Variants in MAMLD1 observed in about 807,000 individuals in gnomAD.
The protein encoded by MAMLD1 is mastermind-like domain-containing protein 1.
In MAMLD1, 14 loss-of-function variants were observed where a neutral mutation model predicts 45.0. The ratio of observed to expected loss-of-function variants is 0.31; its 90% CI spans 0.21 to 0.49. The LOEUF (loss-of-function observed/expected upper bound fraction) is 0.49, where lower values mean the gene tolerates loss of function less well. Among genes scored for constraint, MAMLD1 ranks in the 20% least tolerant of loss-of-function variants. MAMLD1 has a pLI of 0.99. For missense variants in MAMLD1, 543 were observed against 603.6 expected (o/e 0.90, Z 1.05); for synonymous variants, 254 against 247.8 (o/e 1.02, Z -0.24).
intron 1 of MAMLD1, among the ~76,000 whole-genome samples, chrX:150,363,879 A>C (rs1401711708): frequency 1.8e-5 from 2 of 112,388 alleles, no homozygotes; most frequent in African/African-American, 3.2e-5. Flanking sequence ...GGAGGCTCCC[A>C]CTCTGTCCCA....
intron 1 of MAMLD1, among the ~76,000 whole-genome samples, chrX:150,421,298 G>A (rs961126592): frequency 1.8e-5 from 2 of 112,057 alleles, no homozygotes; most frequent in African/African-American, 3.2e-5. Context: ...CTTCGCTCGC[G>A]CACGGTGCAC....
chrX:150,464,401 C>G (rs368062029), intron 3 of MAMLD1, among the ~76,000 whole-genome samples: 92 of 112,295 alleles, frequency 8.2e-4, no homozygotes, highest in Middle Eastern at 4.6e-3. Context: ...CCCAACCACC[C>G]TGGTATTCTC....
rs1489682415 is a variant in MAMLD1 at position 150,512,986 on chromosome X, C to T, written c.*1027C>T. The T allele has an allele frequency of 1.7e-6, 2 of 1,155,217 alleles. No homozygotes were observed. The highest frequency in any genetic ancestry group is 2.3e-6 in the Non-Finnish European group (2 of 872,210). On this transcript the variant is annotated 3_prime_UTR_variant, in exon 8 of 8. Coordinates refer to ENST00000370401, the MANE Select transcript of MAMLD1 (RefSeq NM_005491.5). The stretch of plus-strand genomic sequence containing the variant: ...ACTGGGTGTGCAACTTGAGGCTGAT[C>T]GACGACATTTTGGAACAGCATGCTG...
chrX:150,441,805 A>G (rs1178464406), intron 1 of MAMLD1, among the ~76,000 whole-genome samples: 2 of 109,580 alleles, frequency 1.8e-5, no homozygotes, highest in African/African-American at 6.6e-5. Flanking sequence ...CCTTATTGAA[A>G]CCTGTTGTTG....
intron 1 of MAMLD1, among the ~76,000 whole-genome samples, chrX:150,439,902 G>A (rs2035240149): frequency 1.8e-5 from 2 of 110,230 alleles, no homozygotes; most frequent in African/African-American, 6.6e-5. Flanking sequence ...AGCCTAGATC[G>A]AACCACTGCT....
intron 5 of MAMLD1, among the ~76,000 whole-genome samples, chrX:150,501,338 A>C (rs2037546079): frequency 8.9e-6 from 1 of 112,414 alleles, no homozygotes; most frequent in Non-Finnish European, 1.9e-5. Flanking sequence ...TGGTATTTAA[A>C]GTTATCAAGG....
intron 5 of MAMLD1, among the ~76,000 whole-genome samples, chrX:150,500,623 G>C (rs1557408480): frequency 8.9e-6 from 1 of 111,862 alleles, no homozygotes; most frequent in Admixed American, 9.5e-5. Context: ...GACCTTGTCA[G>C]TCCATGAGCT....
intron 5 of MAMLD1, among the ~76,000 whole-genome samples, chrX:150,478,304 A>C (rs1448238027): frequency 8.9e-6 from 1 of 111,978 alleles, no homozygotes; most frequent in Non-Finnish European, 1.9e-5. Context: ...GCCTTTTCCT[A>C]GTCTCAGAAT....
intron 2 of MAMLD1, among the ~76,000 whole-genome samples, chrX:150,456,343 A>G (rs782537237): frequency 1.9e-4 from 21 of 110,840 alleles, no homozygotes; most frequent in African/African-American, 6.6e-4. Context: ...CAGTTTACCC[A>G]TGTGTAAATC....
At chrX:150,424,796 T>A (rs2034648094) in intron 1 of MAMLD1, among the ~76,000 whole-genome samples, 1 of 112,236 alleles carries the variant, frequency 8.9e-6, no homozygotes, top group Non-Finnish European at 1.9e-5. Flanking sequence ...TGTGTTTTAG[T>A]GTTTTCACAG....
intron 2 of MAMLD1, among the ~76,000 whole-genome samples, chrX:150,454,728 A>G (rs1055966617): frequency 1.8e-5 from 2 of 110,689 alleles, no homozygotes; most frequent in African/African-American, 6.6e-5. Flanking sequence ...CACCATCACC[A>G]CCATCACTAT....
At chrX:150,403,038 T>A (rs1557402529) in intron 1 of MAMLD1, among the ~76,000 whole-genome samples, 2 of 109,244 alleles carry the variant, frequency 1.8e-5, no homozygotes, top group Non-Finnish European at 3.8e-5. Context: ...AACCTGCACA[T>A]TGTGCACATG....
At chrX:150,511,039 A>C (rs1414409002) in intron 7 of MAMLD1, among the ~76,000 whole-genome samples, 2 of 111,989 alleles carry the variant, frequency 1.8e-5, no homozygotes, top group Non-Finnish European at 3.8e-5. Flanking sequence ...ATAATAAAAG[A>C]ACCTAGGCAC....
At chrX:150,458,663 C>A (rs1451964655) in intron 2 of MAMLD1, among the ~76,000 whole-genome samples, 1 of 111,468 alleles carries the variant, frequency 9.0e-6, no homozygotes, top group African/African-American at 3.3e-5. Context: ...GTATAAGTGA[C>A]AAATTAAAAA....
At chrX:150,498,637 T>C (rs896088251) in intron 5 of MAMLD1, among the ~76,000 whole-genome samples, 17 of 112,798 alleles carry the variant, frequency 1.5e-4, no homozygotes, top group African/African-American at 4.8e-4. Context: ...ACACACTTCA[T>C]GTGGCCAGTG....
At chrX:150,385,106 C>T (rs782433158) in intron 1 of MAMLD1, among the ~76,000 whole-genome samples, 2 of 111,481 alleles carry the variant, frequency 1.8e-5, no homozygotes, top group Non-Finnish European at 3.8e-5. Flanking sequence ...AAGACATTAA[C>T]AACCACTATT....
chrX:150,375,197 G>A (rs1005591333), intron 1 of MAMLD1, among the ~76,000 whole-genome samples: 1 of 111,866 alleles, frequency 8.9e-6, no homozygotes, highest in Non-Finnish European at 1.9e-5. Flanking sequence ...AGAGGAGCAG[G>A]TGCTGGCCCT....
rs199908749 is a variant in MAMLD1, at chrX:150,445,539, T to C, written c.23T>C (p.Leu8Pro). 98 of 1,208,667 alleles carry C rather than the reference T, an allele frequency of 8.1e-5. No individual in the cohort carries two copies. Among genetic ancestry groups the C allele is most frequent in the Non-Finnish European group, 2.6e-5 (23 of 894,445 alleles). The change falls in exon 2 of 8, where the codon CTT becomes CCT. Residue 8 changes from leucine to proline, a missense_variant. By Grantham distance (98) the Leu-to-Pro change is moderately conservative. Transcript: ENST00000370401. MDDWKSR[L>P]VIKSMLPHFA... ...ACAATGGATGACTGGAAAAGTCGGC[T>C]TGTAATCAAGAGCATGCTTCCCCAT...
At chrX:150,366,591 A>G (rs1032115466) in intron 1 of MAMLD1, among the ~76,000 whole-genome samples, 10 of 112,278 alleles carry the variant, frequency 8.9e-5, no homozygotes, top group Non-Finnish European at 1.5e-4. Flanking sequence ...CAGCCAGAGC[A>G]GCTAATCAGC....
Sources: gnomAD v4.1 joint callset for allele counts (sites outside exome capture counted in the v4.1 genomes callset) on GRCh38, gnomAD v4.1.1 for gene constraint, MANE v1.5 for transcripts, NCBI Gene and HGNC (gene_info 2026-07-23, HGNC 2026-07-21) for gene names.